The following CYP7B1 variants were observed in gnomAD, a reference collection of about 807,000 sequenced individuals.
The protein encoded by CYP7B1 is cytochrome P450 family 7 subfamily B member 1.
A neutral mutation model predicts 42.7 loss-of-function variants in CYP7B1; 29 were observed. That is an observed-to-expected ratio of 0.68 (90% CI 0.51 to 0.93). The LOEUF (loss-of-function observed/expected upper bound fraction) is 0.93. CYP7B1 is among the 40% of genes least tolerant of loss of function. CYP7B1 has a pLI of 0.00. For synonymous variants in CYP7B1, 235 were observed against 218.2 expected, an observed-to-expected ratio of 1.08 and a Z score of -0.68; for missense variants, 655 against 600.5, an observed-to-expected ratio of 1.09 and a Z score of -0.95.
chr8:64,798,591 G>A lies in CYP7B1; in HGVS notation c.-4C>T, dbSNP rs940671532. The A allele has an allele frequency of 1.4e-6, 2 of 1,462,626 alleles. No individual in the cohort carries two copies. Among genetic ancestry groups the A allele is most frequent in the Non-Finnish European group, 1.8e-6 (2 of 1,116,858 alleles). 90.6% of individuals were successfully genotyped at this position (1,462,626 alleles called of 1,614,324 possible). ...CCGCGGACACTTCTCCTGCCATCCG[G>A]CGCGCGCTAGGCCGCGGTGGGCAGC... On this transcript the variant is annotated 5_prime_UTR_variant, in exon 1 of 6. Transcript: ENST00000310193.
intron 1 of CYP7B1, among the ~76,000 whole-genome samples, chr8:64,781,186 T>G (rs1189630557): frequency 6.6e-6 from 1 of 152,142 alleles, no homozygotes; most frequent in Non-Finnish European, 1.5e-5. Flanking sequence ...CTTTCCATCC[T>G]GCTCCTCATA....
chr8:64,777,487 T>C (rs934785193), intron 1 of CYP7B1, among the ~76,000 whole-genome samples: 15 of 152,104 alleles, frequency 9.9e-5, no homozygotes, highest in African/African-American at 3.4e-4. Context: ...ATTTGAGCCC[T>C]AAAATGAATA....
intron 1 of CYP7B1, among the ~76,000 whole-genome samples, chr8:64,704,249 G>C (rs961952449): frequency 6.6e-6 from 1 of 151,944 alleles, no homozygotes; most frequent in Non-Finnish European, 1.5e-5. Context: ...TCATTGTATG[G>C]CTAGCCCAGT....
chr8:64,721,512 C>G (rs1486484536), intron 1 of CYP7B1, among the ~76,000 whole-genome samples: 1 of 152,176 alleles, frequency 6.6e-6, no homozygotes, highest in Admixed American at 6.5e-5. Flanking sequence ...TAAAATAGGT[C>G]TGTCGCACTT....
intron 1 of CYP7B1, among the ~76,000 whole-genome samples, chr8:64,789,790 C>T (rs1011306805): frequency 1.3e-5 from 2 of 152,248 alleles, no homozygotes; most frequent in Non-Finnish European, 2.9e-5. Flanking sequence ...TGACCCACTG[C>T]TTGTGCAGGT....
rs1396506306 is a variant in CYP7B1 at position 64,595,938 on chromosome 8, G to A, written c.*704C>T. Among the ~76,000 whole-genome samples the A allele has an allele frequency of 6.6e-6, 1 of 152,100 alleles. No individual in the cohort carries two copies. The highest frequency in any genetic ancestry group is 2.4e-5 in the African/African-American group (1 of 41,432). On this transcript the variant is annotated 3_prime_UTR_variant, in exon 6 of 6. Transcript: ENST00000310193. ...TAGGGCAATTTCTGAATATATAATAGGTTCTGTGTTTTCTTATACATTAAA... is the reference window on the plus strand; with the variant it reads ...TAGGGCAATTTCTGAATATATAATAAGTTCTGTGTTTTCTTATACATTAAA...
intron 5 of CYP7B1, among the ~76,000 whole-genome samples, chr8:64,598,998 T>C (rs1805159195): frequency 6.6e-6 from 1 of 152,150 alleles, no homozygotes. Context: ...GGAACCAATG[T>C]TAAGAAGGGC....
intron 1 of CYP7B1, among the ~76,000 whole-genome samples, chr8:64,687,961 A>T (rs1453167528): frequency 6.6e-6 from 1 of 152,174 alleles, no homozygotes; most frequent in Non-Finnish European, 1.5e-5. Context: ...GGCTAACTAA[A>T]CTTGGTAGCT....
At chr8:64,636,547 AT>A (rs751914885) in intron 1 of CYP7B1, among the ~76,000 whole-genome samples, 3 of 152,000 alleles carry the variant, frequency 2.0e-5, no homozygotes, top group Non-Finnish European at 2.9e-5. Flanking sequence ...TTTCCTGAAC[AT>A]TTTCAATAAA....
At chr8:64,723,115 G>C (rs1807271072) in intron 1 of CYP7B1, among the ~76,000 whole-genome samples, 1 of 151,994 alleles carries the variant, frequency 6.6e-6, no homozygotes, top group Non-Finnish European at 1.5e-5. Flanking sequence ...CTAAAAACTT[G>C]AACATTTTGA....
At chr8:64,743,416 G>A (rs1369165085) in intron 1 of CYP7B1, among the ~76,000 whole-genome samples, 1 of 152,178 alleles carries the variant, frequency 6.6e-6, no homozygotes, top group Non-Finnish European at 1.5e-5. Flanking sequence ...TGTTAGGGCT[G>A]CCGTAACAAA....
chr8:64,712,788 A>G (rs1310100199), intron 1 of CYP7B1, among the ~76,000 whole-genome samples: 3 of 151,364 alleles, frequency 2.0e-5, no homozygotes, highest in African/African-American at 7.3e-5. Context: ...TATTATATAT[A>G]TATAGTCTTA....
chr8:64,708,909 T>C (rs1807039397), intron 1 of CYP7B1, among the ~76,000 whole-genome samples: 1 of 152,210 alleles, frequency 6.6e-6, no homozygotes, highest in African/African-American at 2.4e-5. Context: ...TGTATCTAGA[T>C]GAAAGTACTT....
At chr8:64,721,225 G>T (rs1209656458) in intron 1 of CYP7B1, among the ~76,000 whole-genome samples, 1 of 151,688 alleles carries the variant, frequency 6.6e-6, no homozygotes, top group African/African-American at 2.4e-5. Flanking sequence ...TATCTTTGTC[G>T]AAATTACAAA....
At chr8:64,587,336 C>T, downstream of CYP7B1, among the ~76,000 whole-genome samples, 1 of 152,224 alleles carries the variant, frequency 6.6e-6, no homozygotes, top group East Asian at 1.9e-4. Flanking sequence ...CCGACGTTTC[C>T]AGTCACCCCT....
At chr8:64,597,140 T>C (rs535332638) in intron 5 of CYP7B1, among the ~76,000 whole-genome samples, 11 of 152,352 alleles carry the variant, frequency 7.2e-5, no homozygotes, top group African/African-American at 2.6e-4. Flanking sequence ...AAGTGAAGTC[T>C]GAAAAGCTGT....
intron 1 of CYP7B1, among the ~76,000 whole-genome samples, chr8:64,665,579 T>C (rs1806264920): frequency 2.5e-5 from 3 of 121,046 alleles, no homozygotes; most frequent in Non-Finnish European, 5.2e-5. Flanking sequence ...TTTTTTTTTT[T>C]TTTTTTTTTT....
rs532007036 is a variant in CYP7B1, at chr8:64,745,133, G to T, written c.122+53333C>A. Among the ~76,000 whole-genome samples, 6 of 152,262 alleles carry T rather than the reference G, an allele frequency of 3.9e-5. No homozygotes were observed. The South Asian group carries it at 1.2e-3, about 32-fold the overall frequency. On this transcript the variant is annotated intron_variant, in intron 1 of 5. Transcript: ENST00000310193. ...AAGATATTAGCATGCATGCAATGAA[G>T]TGGCAAGGACAACCAAAAAGCTTAA...
At chr8:64,665,575 T>G (rs1563382358) in intron 1 of CYP7B1, among the ~76,000 whole-genome samples, 2 of 117,188 alleles carry the variant, frequency 1.7e-5, no homozygotes, top group African/African-American at 3.3e-5. Flanking sequence ...TTTTTTTTTT[T>G]TTTTTTTTTT....
Sources: allele counts gnomAD v4.1 joint callset (sites outside exome capture counted in the v4.1 genomes callset), GRCh38; gene constraint gnomAD v4.1.1; transcripts MANE v1.5; gene names NCBI Gene and HGNC (gene_info 2026-07-23, HGNC 2026-07-21).